The following ABCB5 variants were observed in gnomAD, a reference collection of about 807,000 sequenced individuals.
ABCB5 encodes the protein ATP-binding cassette sub-family B member 5.
Under a neutral mutation model 144.2 loss-of-function variants are expected in ABCB5, and 155 were observed. The observed-to-expected ratio is 1.08, with a 90% CI of 0.94 to 1.23. The LOEUF (loss-of-function observed/expected upper bound fraction) is 1.23. ABCB5 is among the 50% of genes most tolerant of loss of function. ABCB5 has a pLI of 0.00. For missense variants in ABCB5, 1,830 were observed against 1,520.8 expected (o/e 1.20, Z -3.38); for synonymous variants, 610 against 528.6 (o/e 1.15, Z -2.11).
rs536139770 is a variant in ABCB5 at position 20,687,152 on chromosome 7, G to C, written c.2010+1316G>C. ...GTTTGTACTGAGACACTAGGCAAGAGTGGAGGAAACACTGTGTTAAAACAT... is the reference window on the plus strand; with the variant it reads ...GTTTGTACTGAGACACTAGGCAAGACTGGAGGAAACACTGTGTTAAAACAT... On this transcript the variant is annotated intron_variant, in intron 16 of 27. Transcript: ENST00000404938. Among the ~76,000 whole-genome samples the C allele has an allele frequency of 1.4e-4, 21 of 152,328 alleles. No homozygotes were observed. In the South Asian group the frequency reaches 3.9e-3, roughly 29 times the overall value.
intron 24 of ABCB5, 136 bp downstream of exon 24, chr7:20,739,275 CAA>C: frequency 1.3e-6 from 1 of 786,386 alleles, no homozygotes; most frequent in Non-Finnish European, 1.8e-6. Flanking sequence ...ACCTGTGTGA[CAA>C]GATCATTCAT....
chr7:20,678,450 T>C (rs1785682782), intron 14 of ABCB5, among the ~76,000 whole-genome samples: 1 of 152,212 alleles, frequency 6.6e-6, no homozygotes, highest in Non-Finnish European at 1.5e-5. Context: ...GCTTCTTAAC[T>C]TTCTGAGTTC....
chr7:20,677,630 G>T (rs577608032), intron 14 of ABCB5, among the ~76,000 whole-genome samples: 1 of 152,286 alleles, frequency 6.6e-6, no homozygotes, highest in East Asian at 1.9e-4. Context: ...TCGGGAGGCT[G>T]AGGCAGGAGA....
Position 20,745,339 on chromosome 7 carries a change from C to T in ABCB5, c.3330C>T (p.Asn1110=). Residue 1110 remains asparagine (N), a synonymous_variant, in exon 26 of 28, where the codon AAC becomes AAT. Transcript: ENST00000404938. ...PVLFNCSIAE[N]IAYGDNSRVV... ...TCTTCAACTGCAGCATTGCTGAGAA[C>T]ATCGCCTATGGTGACAACAGCCGTG... 6.2e-7 allele frequency: 1 copy of T among 1,614,128 alleles called. No individual in the cohort carries two copies. The highest frequency in any genetic ancestry group is 8.5e-7 in the Non-Finnish European group (1 of 1,180,000).
intron 14 of ABCB5, among the ~76,000 whole-genome samples, chr7:20,669,532 T>A: frequency 1.0e-5 from 1 of 96,120 alleles, no homozygotes. Flanking sequence ...GAAGGCAGCA[T>A]GCTCGTTAAG....
intron 13 of ABCB5, among the ~76,000 whole-genome samples, chr7:20,656,578 A>T (rs1784797999): frequency 6.6e-6 from 1 of 152,242 alleles, no homozygotes; most frequent in African/African-American, 2.4e-5. Context: ...TTACACTCTT[A>T]GAATGGCCAA....
chr7:20,658,773 A>G, intron 14 of ABCB5, 97 bp downstream of exon 14: 1 of 1,395,168 alleles, frequency 7.2e-7, no homozygotes, highest in East Asian at 2.3e-5. Flanking sequence ...ACTCAAGTTG[A>G]GAGCCCTCTT....
chr7:20,751,419 C>T (rs4721945), intron 26 of ABCB5, among the ~76,000 whole-genome samples: 38,768 of 151,838 alleles, frequency 0.26, 5,913 homozygotes, highest in Non-Finnish European at 0.35. Context: ...TGCAGTGAGC[C>T]GAGATCGCGT....
intron 25 of ABCB5, among the ~76,000 whole-genome samples, chr7:20,744,667 A>G (rs1782664927): frequency 1.3e-5 from 2 of 152,042 alleles, no homozygotes; most frequent in Non-Finnish European, 2.9e-5. Flanking sequence ...ATGCTAAACC[A>G]TGAGTTAATG....
At chr7:20,629,023 T>C (rs2128018419) in intron 4 of ABCB5, among the ~76,000 whole-genome samples, 185 bp downstream of exon 4, 1 of 152,002 alleles carries the variant, frequency 6.6e-6, no homozygotes, top group East Asian at 1.9e-4. Context: ...ACCACAGAGG[T>C]CTATAATTGA....
intron 26 of ABCB5, among the ~76,000 whole-genome samples, chr7:20,747,511 G>A (rs897999010): frequency 2.0e-5 from 3 of 152,058 alleles, no homozygotes; most frequent in African/African-American, 7.2e-5. Flanking sequence ...CACCCACCTC[G>A]GTCTCCCAAA....
At chr7:20,699,557 C>T (rs1034051642) in intron 17 of ABCB5, among the ~76,000 whole-genome samples, 5 of 151,538 alleles carry the variant, frequency 3.3e-5, no homozygotes, top group South Asian at 4.2e-4. Context: ...AAAAATTAGC[C>T]GGGTGTGGTG....
intron 5 of ABCB5, among the ~76,000 whole-genome samples, chr7:20,637,882 A>G (rs778115309): frequency 7.9e-5 from 12 of 152,212 alleles, no homozygotes; most frequent in Non-Finnish European, 1.6e-4. Flanking sequence ...AAGCCATTAA[A>G]TCAATCTTAA....
chr7:20,722,178 A>G (rs1039238126), intron 20 of ABCB5, among the ~76,000 whole-genome samples: 8 of 152,222 alleles, frequency 5.3e-5, no homozygotes, highest in African/African-American at 1.9e-4. Context: ...CCAAGAACTT[A>G]TCTGTAAGTT....
At chr7:20,741,787 CAT>C (rs1782568919) in intron 24 of ABCB5, among the ~76,000 whole-genome samples, 1 of 152,158 alleles carries the variant, frequency 6.6e-6, no homozygotes, top group South Asian at 2.1e-4. Flanking sequence ...ACCACACACA[CAT>C]GCACACACAC....
At chr7:20,728,202 CT>C in intron 22 of ABCB5, 112 bp from the exon 23 acceptor site, 1 of 1,274,336 alleles carries the variant, frequency 7.8e-7, no homozygotes, top group East Asian at 2.5e-5. Flanking sequence ...CGAAAAATGC[CT>C]TTCCACCAAA....
At chr7:20,728,552 G>A in intron 23 of ABCB5, 97 bp downstream of exon 23, 4 of 1,367,590 alleles carry the variant, frequency 2.9e-6, no homozygotes, top group Non-Finnish European at 4.0e-6. Flanking sequence ...TCAGGAGTTT[G>A]AGATCAGCCT....
At chr7:20,682,095 C>G (rs1226376536) in intron 15 of ABCB5, among the ~76,000 whole-genome samples, 2 of 152,172 alleles carry the variant, frequency 1.3e-5, no homozygotes, top group African/African-American at 4.8e-5. Context: ...ATCCCAGCTA[C>G]TCAGAAGGCT....
At position 20,685,790 on chromosome 7, in the gene ABCB5, A is replaced by C. The variant is rs1785973163; in HGVS notation, c.1964A>C (p.Lys655Thr). The change falls in exon 16 of 28, where the codon AAG becomes ACG. Residue 655 changes from lysine to threonine, a missense_variant. By Grantham distance (78) the Lys-to-Thr change is moderately conservative. Coordinates refer to ENST00000404938, the MANE Select transcript of ABCB5 (RefSeq NM_001163941.2). ...SLPLHSVKSI[K>T]SDFIDKAEES... The stretch of plus-strand genomic sequence containing the variant: ...CCTCTGCACTCTGTGAAGAGCATCA[A>C]GTCAGACTTCATTGACAAGGCTGAG... 6.2e-7 allele frequency: 1 copy of C among 1,613,506 alleles called. No individual in the cohort carries two copies. Among genetic ancestry groups the C allele is most frequent in the Admixed American group, 1.7e-5 (1 of 59,922 alleles).
Sources: gnomAD v4.1 joint callset for allele counts (sites outside exome capture counted in the v4.1 genomes callset) on GRCh38, gnomAD v4.1.1 for gene constraint, MANE v1.5 for transcripts, NCBI Gene and HGNC (gene_info 2026-07-23, HGNC 2026-07-21) for gene names.